The following WDR11 variants were observed in gnomAD, a reference collection of about 807,000 sequenced individuals.
WDR11 encodes WD repeat domain 11.
WDR11 carries 83 observed loss-of-function variants against 151.2 expected under a neutral mutation model. The ratio of observed to expected loss-of-function variants is 0.55; its 90% confidence interval spans 0.46 to 0.66. The LOEUF is 0.66. Among genes scored for constraint, WDR11 ranks in the 30% least tolerant of loss-of-function variants. The pLI, the probability that WDR11 is intolerant of heterozygous loss-of-function variation, is 0.00. For missense variants in WDR11, 1,301 were observed against 1,480.9 expected (o/e 0.88, Z 1.99); for synonymous variants, 484 against 533.1 (o/e 0.91, Z 1.27).
At chr10:120,903,013 G>C in intron 22 of WDR11, 42 bp from the exon 23 acceptor site, 1 of 1,607,520 alleles carries the variant, frequency 6.2e-7, no homozygotes, top group Non-Finnish European at 8.5e-7. Flanking sequence ...ATCCAGGCCA[G>C]GTGTGCTGAG....
intron 19 of WDR11, among the ~76,000 whole-genome samples, chr10:120,893,761 G>A (rs1355385424): frequency 3.3e-5 from 5 of 151,916 alleles, no homozygotes; most frequent in African/African-American, 7.3e-5. Context: ...TTCTCTGATG[G>A]CCAGTGATGA....
At chr10:120,869,254 G>A (rs1264053005) in intron 9 of WDR11, among the ~76,000 whole-genome samples, 1 of 151,762 alleles carries the variant, frequency 6.6e-6, no homozygotes, top group Non-Finnish European at 1.5e-5. Flanking sequence ...GGGACTACAG[G>A]CGCCCGCCAC....
At position 120,874,039 on chromosome 10, in the gene WDR11, T is replaced by C. The variant is rs558532216; in HGVS notation, c.1556+116T>C. 5 of 714,332 alleles carry C rather than the reference T, an allele frequency of 7.0e-6. No homozygotes were observed. The East Asian group carries it at 1.3e-4, about 18-fold the overall frequency. The allele number at this position is 714,332 out of a possible 1,614,324, so 44.2% of individuals were successfully genotyped here. ...CTGCAGTGGTGATTATTTGAAAAGT[T>C]TGAATAATATTCATGTCCAACTAAT... On this transcript the variant is annotated intron_variant, in intron 11 of 28. Transcript: ENST00000263461.
At chr10:120,908,177 A>G (rs962997400) in intron 28 of WDR11, 4 of 251,868 alleles carry the variant, frequency 1.6e-5, no homozygotes, top group Non-Finnish European at 2.3e-5. Context: ...TCTGCCCCCA[A>G]ACTGCCAGCC....
At chr10:120,865,537 T>C (rs1846281899) in intron 6 of WDR11, 93 bp from the exon 7 acceptor site, 2 of 852,942 alleles carry the variant, frequency 2.3e-6, no homozygotes, top group Non-Finnish European at 3.7e-6. Flanking sequence ...TTTTTTCTTT[T>C]GCCCATATTA....
At chr10:120,864,933 G>T in intron 5 of WDR11, 114 bp from the exon 6 acceptor site, 1 of 1,277,456 alleles carries the variant, frequency 7.8e-7, no homozygotes. Context: ...TCACTTCAGG[G>T]AATAGTTGTA....
chr10:120,869,408 C>T (rs149422319), intron 9 of WDR11, among the ~76,000 whole-genome samples: 2,380 of 152,132 alleles, frequency 0.016, 68 homozygotes, highest in African/African-American at 0.054. Context: ...CCACCGCGCC[C>T]GGCCAAATTA....
At chr10:120,885,274 TATATATATATATACACACACAC>T (rs1847177079) in intron 14 of WDR11, 1 of 85,432 alleles carries the variant, frequency 1.2e-5, no homozygotes, top group African/African-American at 5.0e-5. Context: ...GGATGAAGTA[TATATATATATATACACACACAC>T]ACACACACAC....
At chr10:120,859,989 G>A (rs1305135405) in intron 3 of WDR11, 120 bp from the exon 4 acceptor site, 2 of 1,082,760 alleles carry the variant, frequency 1.8e-6, no homozygotes, top group Non-Finnish European at 2.8e-6. Context: ...GTCACATTTG[G>A]GGCTGGTGGT....
At chr10:120,869,246 G>A (rs1188168583) in intron 9 of WDR11, among the ~76,000 whole-genome samples, 16 of 151,622 alleles carry the variant, frequency 1.1e-4, no homozygotes, top group Admixed American at 1.1e-3. Flanking sequence ...GCGTAGCTGG[G>A]ACTACAGGCG....
chr10:120,899,611 C>T (rs1847738422), intron 19 of WDR11, among the ~76,000 whole-genome samples: 1 of 151,790 alleles, frequency 6.6e-6, no homozygotes, highest in Non-Finnish European at 1.5e-5. Context: ...GGTGAAACCC[C>T]ATCTCTACTA....
chr10:120,903,510 C>CAA (rs60137682), intron 23 of WDR11, among the ~76,000 whole-genome samples: 2 of 126,022 alleles, frequency 1.6e-5, no homozygotes, highest in African/African-American at 2.9e-5. Flanking sequence ...ACTCTGTCTC[C>CAA]AAAAAAAAAA....
chr10:120,898,048 C>T (rs1847678147), intron 19 of WDR11, among the ~76,000 whole-genome samples: 1 of 152,074 alleles, frequency 6.6e-6, no homozygotes, highest in Non-Finnish European at 1.5e-5. Flanking sequence ...ATGTGAGCCA[C>T]ATAGGTAAGC....
At chr10:120,884,369 A>G (rs1304243706) in intron 14 of WDR11, among the ~76,000 whole-genome samples, 2 of 152,298 alleles carry the variant, frequency 1.3e-5, no homozygotes, top group East Asian at 1.9e-4. Context: ...AATATACAGT[A>G]AAGTAGCACA....
intron 28 of WDR11, chr10:120,907,210 C>A: frequency 3.6e-6 from 1 of 281,324 alleles, no homozygotes; most frequent in Non-Finnish European, 7.0e-6. Context: ...CAAGACCAGA[C>A]ATTCCATGGA....
chr10:120,880,615 C>T (rs368178034), intron 12 of WDR11: 170 of 493,004 alleles, frequency 3.4e-4, no homozygotes, highest in African/African-American at 2.9e-3. Context: ...GCCAAGATTG[C>T]GCCATTGCAC....
At chr10:120,874,165 C>T (rs1223421314) in intron 11 of WDR11, among the ~76,000 whole-genome samples, 5 of 116,288 alleles carry the variant, frequency 4.3e-5, no homozygotes, top group African/African-American at 1.8e-4. Flanking sequence ...AAAGTAATTG[C>T]GGTTTTTGCA....
rs1031115729 is a variant in WDR11 at position 120,909,029 on chromosome 10, A to T, written c.*316A>T. On this transcript the variant is annotated 3_prime_UTR_variant, in exon 29 of 29. Transcript: ENST00000263461. ...TTTTAACTTAAAATTCAAGAGACTG[A>T]ATCACTTTTCTCATTGATTAAATGT... is the stretch of plus-strand genomic sequence containing the variant. The T allele has an allele frequency of 2.9e-6, 1 of 340,658 alleles. No homozygotes were observed. The highest frequency in any genetic ancestry group is 2.1e-5 in the African/African-American group (1 of 47,830). The allele number at this position is 340,658 out of a possible 1,614,324, so 21.1% of individuals were successfully genotyped here.
chr10:120,855,357 G>A (rs191264800), intron 2 of WDR11, among the ~76,000 whole-genome samples: 24 of 152,134 alleles, frequency 1.6e-4, no homozygotes, highest in South Asian at 1.2e-3. Context: ...TCAGAAAAGC[G>A]CATAATTTAT....
Sources: allele counts gnomAD v4.1 joint callset (sites outside exome capture counted in the v4.1 genomes callset), GRCh38; gene constraint gnomAD v4.1.1; transcripts MANE v1.5; gene names NCBI Gene and HGNC (gene_info 2026-07-23, HGNC 2026-07-21).